Variants in ZNF169 observed in about 807,000 individuals in gnomAD.
ZNF169 encodes zinc finger protein 169.
In ZNF169, 11 loss-of-function variants were observed where a neutral mutation model predicts 12.0. That is an observed-to-expected ratio of 0.92 (90% CI 0.58 to 1.52). The LOEUF (loss-of-function observed/expected upper bound fraction) is 1.52. Ranked by LOEUF, ZNF169 falls within the 40% of genes most tolerant of loss-of-function variation. The pLI is 0.00. For synonymous variants in ZNF169, 302 were observed against 286.5 expected, an observed-to-expected ratio of 1.05 and a Z score of -0.55; for missense variants, 722 against 744.0, an observed-to-expected ratio of 0.97 and a Z score of 0.34.
At chr9:94,291,047 CTTTTTTTTT>C (rs59027045) in intron 2 of ZNF169, among the ~76,000 whole-genome samples, 1 of 59,570 alleles carries the variant, frequency 1.7e-5, no homozygotes, top group African/African-American at 7.3e-5. Flanking sequence ...GAACAGTATT[CTTTTTTTTT>C]TTTTTTTTTT....
chr9:94,301,556 A>G lies in ZNF169; in HGVS notation c.*186A>G, dbSNP rs914197066. 2 of 1,084,346 alleles carry G rather than the reference A, an allele frequency of 1.8e-6. No individual in the cohort carries two copies. The highest frequency in any genetic ancestry group is 3.2e-5 in the Admixed American group (1 of 30,956). The allele number at this position is 1,084,346 out of a possible 1,614,324, so 67.2% of individuals were successfully genotyped here. ...TAGGGGTTCCATAACAAAGTACCCC[A>G]GGCTGGGTGATTTTGACAACGGAAA... On this transcript the variant is annotated 3_prime_UTR_variant, in exon 5 of 5. Coordinates refer to ENST00000395395, the MANE Select transcript of ZNF169 (RefSeq NM_194320.4).
intron 1 of ZNF169, among the ~76,000 whole-genome samples, chr9:94,265,535 GC>G (rs1203427256): frequency 6.7e-6 from 1 of 148,502 alleles, no homozygotes; most frequent in East Asian, 2.0e-4. Context: ...AGCCAAGATC[GC>G]CCCATTGCAC....
chr9:94,277,867 G>C (rs2118590266), intron 1 of ZNF169, among the ~76,000 whole-genome samples: 1 of 151,192 alleles, frequency 6.6e-6, no homozygotes, highest in African/African-American at 2.4e-5. Flanking sequence ...GGGAGGCGGA[G>C]CTTGCAGTGA....
In ZNF169 at chr9:94,270,873, AT is replaced by A. The variant is rs1167057694; in HGVS notation, c.-55-7883del. On this transcript the variant is annotated intron_variant, in intron 1 of 4. Coordinates refer to ENST00000395395, the MANE Select transcript of ZNF169 (RefSeq NM_194320.4). ...TATAAATATATATAATAATATATAT[AT>A]TATATTATATAAATATATATAATAA... is the stretch of plus-strand genomic sequence containing the variant. 8.5e-5 allele frequency among the ~76,000 whole-genome samples: 3 copies of A among 35,148 alleles called. 1 individual carries two copies. Among genetic ancestry groups the A allele is most frequent in the South Asian group, 1.8e-3 (2 of 1,102 alleles). 23.1% of individuals were successfully genotyped at this position (35,148 alleles called of 152,430 possible).
At chr9:94,267,013 A>G (rs1325458805) in intron 1 of ZNF169, among the ~76,000 whole-genome samples, 3 of 150,832 alleles carry the variant, frequency 2.0e-5, no homozygotes, top group African/African-American at 7.3e-5. Context: ...GGTTCACGCC[A>G]TTCTCCTGCC....
chr9:94,293,126 A>G, intron 4 of ZNF169, 57 bp downstream of exon 4: 1 of 1,471,254 alleles, frequency 6.8e-7, no homozygotes, highest in African/African-American at 1.4e-5. Flanking sequence ...CTCAGCAGGT[A>G]AGGAAGGAGG....
intron 4 of ZNF169, among the ~76,000 whole-genome samples, chr9:94,297,958 G>A (rs1333460348): frequency 1.3e-5 from 2 of 152,114 alleles, no homozygotes; most frequent in Admixed American, 6.6e-5. Context: ...CTTGAGGTCA[G>A]GAGTTTGAGA....
chr9:94,261,617 A>C (rs1417798308), intron 1 of ZNF169, among the ~76,000 whole-genome samples: 1 of 152,192 alleles, frequency 6.6e-6, no homozygotes, highest in Non-Finnish European at 1.5e-5. Context: ...CTCTTTCACT[A>C]GGGGTCTATA....
chr9:94,292,332 G>A lies in ZNF169; in HGVS notation c.34-9G>A, dbSNP rs763426508. 6.2e-7 allele frequency: 1 copy of A among 1,614,132 alleles called. No individual in the cohort carries two copies. The highest frequency in any genetic ancestry group is 1.1e-5 in the South Asian group (1 of 91,076). ...CTGTTGAGTGAGCAGGGATGTGTTT[G>A]TGTTACAGGCATTGATGGCCTTCCG... On this transcript the variant is annotated splice_polypyrimidine_tract_variant and intron_variant, in intron 2 of 4. Coordinates refer to ENST00000395395, the MANE Select transcript of ZNF169 (RefSeq NM_194320.4).
At chr9:94,261,933 A>G (rs1255131078) in intron 1 of ZNF169, among the ~76,000 whole-genome samples, 1 of 152,248 alleles carries the variant, frequency 6.6e-6, no homozygotes, top group Admixed American at 6.5e-5. Context: ...ATTAATGATC[A>G]TACCCAAGAA....
chr9:94,301,517 T>A lies in ZNF169; in HGVS notation c.*147T>A. 3.6e-6 allele frequency: 5 copies of A among 1,400,362 alleles called. No individual in the cohort carries two copies. Among genetic ancestry groups the A allele is most frequent in the Non-Finnish European group, 4.7e-6 (5 of 1,067,210 alleles). The allele number at this position is 1,400,362 out of a possible 1,614,324, so 86.7% of individuals were successfully genotyped here. A position where few individuals can be genotyped will look rare whatever the true frequency, so the allele number is the denominator to read the frequency against. The stretch of plus-strand genomic sequence containing the variant: ...TTGGTTTACTTTCTATATTCACAAT[T>A]TGTCTTGGCTTGCTAGGGGTTCCAT... On this transcript the variant is annotated 3_prime_UTR_variant, in exon 5 of 5. Coordinates refer to ENST00000395395, the MANE Select transcript of ZNF169 (RefSeq NM_194320.4).
In ZNF169 at chr9:94,278,826, T is replaced by C; in HGVS notation, c.14T>C (p.Leu5Pro). MSPG[L>P]LTTRKEALMA... The stretch of plus-strand genomic sequence containing the variant: ...GAGAGCAGGGATATGTCACCAGGAC[T>C]CCTGACAACCAGGAAGGAGGTAAGT... The change falls in exon 2 of 5, where the codon CTC becomes CCC. Residue 5 changes from leucine to proline, a missense_variant. Physicochemically the swap from Leu to Pro is moderately conservative, Grantham distance 98. Transcript: ENST00000395395. 6.2e-7 allele frequency: 1 copy of C among 1,614,048 alleles called. No homozygotes were observed. Among genetic ancestry groups the C allele is most frequent in the Non-Finnish European group, 8.5e-7 (1 of 1,179,992 alleles).
intron 2 of ZNF169, among the ~76,000 whole-genome samples, chr9:94,280,926 G>A (rs1047792917): frequency 5.9e-5 from 9 of 152,180 alleles, no homozygotes; most frequent in African/African-American, 2.2e-4. Context: ...GAACTGGCGG[G>A]AAAGTTGTTT....
intron 1 of ZNF169, among the ~76,000 whole-genome samples, chr9:94,273,121 CCTTATT>C (rs1437985863): frequency 1.3e-5 from 2 of 152,058 alleles, no homozygotes; most frequent in African/African-American, 4.8e-5. Flanking sequence ...CATTTTAGCT[CCTTATT>C]TGATACATGG....
chr9:94,280,435 A>C (rs989301768), intron 2 of ZNF169, among the ~76,000 whole-genome samples: 5 of 152,190 alleles, frequency 3.3e-5, no homozygotes, highest in Non-Finnish European at 5.9e-5. Flanking sequence ...TGGAATCTTT[A>C]GCAGGCCCTA....
chr9:94,264,801 A>G (rs1425592351), intron 1 of ZNF169, among the ~76,000 whole-genome samples: 2 of 152,062 alleles, frequency 1.3e-5, no homozygotes, highest in Non-Finnish European at 1.5e-5. Context: ...TATAGTACGT[A>G]TTCTGTTTCT....
intron 1 of ZNF169, among the ~76,000 whole-genome samples, chr9:94,262,880 T>C (rs1317164399): frequency 1.3e-5 from 2 of 152,228 alleles, no homozygotes; most frequent in Admixed American, 1.3e-4. Flanking sequence ...GCATCATCTA[T>C]TTAATTTCCA....
At chr9:94,292,638 T>TGTGC in intron 3 of ZNF169, 171 bp downstream of exon 3, 5 of 824,806 alleles carry the variant, frequency 6.1e-6, no homozygotes, top group South Asian at 1.8e-5. Flanking sequence ...TGTGTGTGTG[T>TGTGC]GTGCGCGTGC....
chr9:94,300,219 C>T lies in ZNF169; in HGVS notation c.661C>T (p.Leu221Phe). Reference protein sequence around the residue: ...AVIRGNYRLGLSKKSSLFSHQ... With the variant: ...AVIRGNYRLGFSKKSSLFSHQ... ...CATACGTGGAAACTATAGACTGGGA[C>T]TTAGCAAAAAGTCAAGCCTGTTCAG... Residue 221 changes from leucine to phenylalanine, a missense_variant, in exon 5 of 5, where the codon CTT becomes TTT. Leu to Phe is a conservative substitution (Grantham distance 22, BLOSUM62 0). Coordinates refer to ENST00000395395, the MANE Select transcript of ZNF169 (RefSeq NM_194320.4). 1.2e-6 allele frequency: 2 copies of T among 1,614,212 alleles called. No homozygotes were observed. Among genetic ancestry groups the T allele is most frequent in the Non-Finnish European group, 1.7e-6 (2 of 1,180,042 alleles).
Sources: allele counts gnomAD v4.1 joint callset (sites outside exome capture counted in the v4.1 genomes callset), GRCh38; gene constraint gnomAD v4.1.1; transcripts MANE v1.5; gene names NCBI Gene and HGNC (gene_info 2026-07-23, HGNC 2026-07-21).